The following ANXA11 variants were observed in gnomAD, a reference collection of about 807,000 sequenced individuals.
ANXA11 encodes annexin A11.
ANXA11 carries 57 observed loss-of-function variants against 64.7 expected under a neutral mutation model. The observed-to-expected ratio is 0.88, with a 90% CI of 0.71 to 1.10. The LOEUF (loss-of-function observed/expected upper bound fraction) is 1.10. Ranked by LOEUF, ANXA11 falls within the 50% of genes least tolerant of loss-of-function variation. The pLI, the probability that ANXA11 is intolerant of heterozygous loss-of-function variation, is 0.00. For synonymous variants in ANXA11, 260 were observed against 265.2 expected (o/e 0.98, Z 0.19); for missense variants, 675 against 670.7 (o/e 1.01, Z -0.07).
chr10:80,192,335 C>G (rs1234548005), intron 1 of ANXA11, among the ~76,000 whole-genome samples: 1 of 152,074 alleles, frequency 6.6e-6, no homozygotes, highest in Non-Finnish European at 1.5e-5. Context: ...TTCATATAGA[C>G]AGCAAAGGGT....
intron 13 of ANXA11, 35 bp from the exon 14 acceptor site, chr10:80,158,060 AG>A: frequency 6.2e-7 from 1 of 1,607,644 alleles, no homozygotes. Flanking sequence ...CCAGATCTGC[AG>A]AAAATTCTCA....
At chr10:80,175,814 TGG>T (rs1390801328) in intron 2 of ANXA11, among the ~76,000 whole-genome samples, 1 of 152,142 alleles carries the variant, frequency 6.6e-6, no homozygotes, top group Non-Finnish European at 1.5e-5. Context: ...CCCAGCACTT[TGG>T]GAGGCCGAGG....
At chr10:80,171,496 G>T in intron 3 of ANXA11, 1 of 525,070 alleles carries the variant, frequency 1.9e-6, no homozygotes, top group Non-Finnish European at 2.4e-6. Context: ...AAACCAGCAG[G>T]ACCGGTATGT....
In ANXA11 at chr10:80,159,168, C is replaced by G. The variant is rs1564599482; in HGVS notation, c.1208G>C (p.Gly403Ala). The change falls in exon 13 of 16, where the codon GGC (glycine) becomes GCC (alanine). Residue 403 changes from glycine (G) to alanine (A), a missense_variant. Physicochemically the swap from Gly to Ala is moderately conservative, Grantham distance 60. Transcript: ENST00000422982. ...GCAGATGCTCTTCTCAATGTCCCGG[C>G]CTGTCATTCTCTGGTACTCATTGAA... is the stretch of plus-strand genomic sequence containing the variant. ...AVFNEYQRMT[G>A]RDIEKSICRE... 6.2e-7 allele frequency: 1 copy of G among 1,614,090 alleles called. No individual in the cohort carries two copies. The highest frequency in any genetic ancestry group is 8.5e-7 in the Non-Finnish European group (1 of 1,179,982).
intron 15 of ANXA11, chr10:80,156,455 G>T (rs538964075): frequency 2.1e-5 from 10 of 471,692 alleles, no homozygotes; most frequent in Non-Finnish European, 4.4e-5. Context: ...AAGGCATGTG[G>T]CTTCTTCCAG....
rs1012638618 is a variant in ANXA11, at chr10:80,157,728, G to C, written c.1371C>G (p.Ile457Met). Residue 457 changes from isoleucine to methionine, a missense_variant, in exon 15 of 16, where the codon ATC (isoleucine) becomes ATG (methionine). Ile to Met is a conservative substitution (Grantham distance 10). Coordinates refer to ENST00000422982, the MANE Select transcript of ANXA11 (RefSeq NM_145868.2). ...GGTCGGTCTCGCTGCGAGACACCATGATGCGAATCAGGGTCCGGTCCTTTG... is the reference window on the plus strand; with the variant it reads ...GGTCGGTCTCGCTGCGAGACACCATCATGCGAATCAGGGTCCGGTCCTTTG... ...AGTKDRTLIRIMVSRSETDLL... is the reference protein window; with the variant it reads ...AGTKDRTLIRMMVSRSETDLL... The C allele has an allele frequency of 2.5e-6, 4 of 1,613,852 alleles. No individual in the cohort carries two copies. In the African/African-American group the frequency reaches 4.0e-5, roughly 16 times the overall value.
At chr10:80,200,649 T>A (rs1840380121) in intron 1 of ANXA11, among the ~76,000 whole-genome samples, 1 of 152,194 alleles carries the variant, frequency 6.6e-6, no homozygotes, top group Non-Finnish European at 1.5e-5. Context: ...AAGAGATCTA[T>A]CTAAAGTCAG....
At chr10:80,167,411 T>G (rs975244770) in intron 5 of ANXA11, 98 bp from the exon 6 acceptor site, 12 of 1,091,400 alleles carry the variant, frequency 1.1e-5, no homozygotes, top group Non-Finnish European at 1.5e-5. Flanking sequence ...GCCCTTTCTC[T>G]AAGAGTTGGA....
At chr10:80,184,422 A>G (rs1256287482) in intron 1 of ANXA11, among the ~76,000 whole-genome samples, 1 of 152,182 alleles carries the variant, frequency 6.6e-6, no homozygotes, top group Non-Finnish European at 1.5e-5. Flanking sequence ...GCCTCATTGT[A>G]ACCCCATCAA....
At chr10:80,182,528 T>C (rs1372012907) in intron 1 of ANXA11, among the ~76,000 whole-genome samples, 1 of 152,174 alleles carries the variant, frequency 6.6e-6, no homozygotes, top group Non-Finnish European at 1.5e-5. Context: ...CTCAGATATA[T>C]GTACATTTTG....
intron 4 of ANXA11, 96 bp from the exon 5 acceptor site, chr10:80,169,454 C>T: frequency 7.2e-7 from 1 of 1,391,408 alleles, no homozygotes; most frequent in East Asian, 2.4e-5. Flanking sequence ...GTCCTCACAG[C>T]ATCTCCGCTT....
chr10:80,205,565 G>C (rs1006526435), upstream of ANXA11: 3 of 152,190 alleles, frequency 2.0e-5, no homozygotes, highest in East Asian at 3.9e-4. Flanking sequence ...AGGTGCCAGA[G>C]GCAGTGCAAG....
At chr10:80,156,513 T>G (rs910472204) in intron 15 of ANXA11, 1 of 467,254 alleles carries the variant, frequency 2.1e-6, no homozygotes, top group Non-Finnish European at 4.4e-6. Flanking sequence ...AATGAATTAT[T>G]AACTCTCTTT....
In ANXA11 at chr10:80,155,509, G is replaced by T. The variant is rs1845241535; in HGVS notation, c.*344C>A. ...CTGTCTGGCAATGACTGTAAGAAAA[G>T]AAAATATGCCTCCAAATAAAAATAT... On this transcript the variant is annotated 3_prime_UTR_variant, in exon 16 of 16. Transcript: ENST00000422982. 3.4e-6 allele frequency: 1 copy of T among 290,350 alleles called. No homozygotes were observed. 18.0% of individuals were successfully genotyped at this position (290,350 alleles called of 1,614,324 possible). A position where few individuals can be genotyped will look rare whatever the true frequency, so the allele number is the denominator to read the frequency against.
In ANXA11 at chr10:80,153,552, G is replaced by C. The variant is rs1845192914; in HGVS notation, c.*2301C>G. ...TCTAGGCCCCATCACAATTCAGGAGGCCCCCAGGGTCACCTTGAGTTCATG... is the reference window on the plus strand; with the variant it reads ...TCTAGGCCCCATCACAATTCAGGAGCCCCCCAGGGTCACCTTGAGTTCATG... On this transcript the variant is annotated 3_prime_UTR_variant, in exon 16 of 16. Transcript: ENST00000422982. The C allele has an allele frequency of 6.6e-6, 1 of 152,236 alleles. No individual in the cohort carries two copies. The highest frequency in any genetic ancestry group is 2.4e-5 in the African/African-American group (1 of 41,454). 9.4% of individuals were successfully genotyped at this position (152,236 alleles called of 1,614,324 possible).
In ANXA11 at chr10:80,150,924, C is replaced by A. The variant is rs1425231715; in HGVS notation, c.*4929G>T. 6 of 152,178 alleles carry A rather than the reference C, an allele frequency of 3.9e-5. No individual in the cohort carries two copies. The highest frequency in any genetic ancestry group is 8.8e-5 in the Non-Finnish European group (6 of 68,044). 9.4% of individuals were successfully genotyped at this position (152,178 alleles called of 1,614,324 possible). A position where few individuals can be genotyped will look rare whatever the true frequency, so the allele number is the denominator to read the frequency against. ...TCCAGCTTTTATTCTTAGGTATTCACCTGATTGCTGTAAACTTTCAATTCG... is the reference window on the plus strand; with the variant it reads ...TCCAGCTTTTATTCTTAGGTATTCAACTGATTGCTGTAAACTTTCAATTCG... On this transcript the variant is annotated 3_prime_UTR_variant, in exon 16 of 16. Transcript: ENST00000422982.
At chr10:80,175,393 C>A (rs1201269481) in intron 2 of ANXA11, among the ~76,000 whole-genome samples, 4 of 152,140 alleles carry the variant, frequency 2.6e-5, no homozygotes, top group African/African-American at 7.2e-5. Flanking sequence ...ACTCTCCACT[C>A]CTGGCCTCCT....
intron 1 of ANXA11, among the ~76,000 whole-genome samples, chr10:80,191,305 T>C (rs1253184032): frequency 2.0e-5 from 3 of 152,176 alleles, no homozygotes; most frequent in African/African-American, 7.2e-5. Flanking sequence ...CAGGAATTGC[T>C]TAAACCCAGG....
chr10:80,187,417 C>T (rs1652017486), intron 1 of ANXA11, among the ~76,000 whole-genome samples: 1 of 152,248 alleles, frequency 6.6e-6, no homozygotes, highest in Admixed American at 6.5e-5. Flanking sequence ...TCATCTTCAA[C>T]TTCCAGCCTC....
Sources: allele counts gnomAD v4.1 joint callset (sites outside exome capture counted in the v4.1 genomes callset), GRCh38; gene constraint gnomAD v4.1.1; transcripts MANE v1.5; gene names NCBI Gene and HGNC (gene_info 2026-07-23, HGNC 2026-07-21).